BICRAL: variants seen among roughly 807,000 people sequenced by gnomAD.
BICRAL encodes BRD4-interacting chromatin-remodeling complex-associated protein-like.
A neutral mutation model predicts 91.8 loss-of-function variants in BICRAL; 8 were observed. The observed-to-expected ratio is 0.09, with a 90% confidence interval of 0.05 to 0.16. The LOEUF is 0.16. BICRAL is among the 10% of genes least tolerant of loss of function. The probability of loss-of-function intolerance (pLI) is 1.00; values close to 1 mark genes in which losing one functional copy is unlikely to be tolerated. For synonymous variants in BICRAL, 445 were observed against 491.1 expected (o/e 0.91, Z 1.24); for missense variants, 1,038 against 1,310.9 (o/e 0.79, Z 3.21).
chr6:42,822,297 G>T (rs1764160067), intron 3 of BICRAL, among the ~76,000 whole-genome samples: 1 of 151,030 alleles, frequency 6.6e-6, no homozygotes, highest in Non-Finnish European at 1.5e-5. Flanking sequence ...CTAAAGTGCA[G>T]CAGCACAATC....
chr6:42,822,216 A>C (rs1476180299), intron 3 of BICRAL, among the ~76,000 whole-genome samples, 153 bp downstream of exon 3: 1 of 151,986 alleles, frequency 6.6e-6, no homozygotes, highest in African/African-American at 2.4e-5. Context: ...CATGATTAAC[A>C]TAGGGGTTGT....
intron 1 of BICRAL, among the ~76,000 whole-genome samples, chr6:42,783,108 C>T (rs1327330517): frequency 6.6e-6 from 1 of 151,038 alleles, no homozygotes; most frequent in Non-Finnish European, 1.5e-5. Context: ...GGGGAGAGCT[C>T]GGGGCAGGCG....
intron 1 of BICRAL, among the ~76,000 whole-genome samples, chr6:42,755,555 T>G (rs1482372503): frequency 6.6e-6 from 1 of 152,132 alleles, no homozygotes; most frequent in African/African-American, 2.4e-5. Flanking sequence ...TTCTAACTTA[T>G]CTGTGAAGAC....
chr6:42,755,704 C>T (rs1465338499), intron 1 of BICRAL, among the ~76,000 whole-genome samples: 1 of 146,826 alleles, frequency 6.8e-6, no homozygotes, highest in Non-Finnish European at 1.5e-5. Context: ...GAGTCTTGCT[C>T]TGTTGCCCAG....
chr6:42,818,825 T>C (rs1022887240), intron 2 of BICRAL, among the ~76,000 whole-genome samples: 1 of 152,214 alleles, frequency 6.6e-6, no homozygotes, highest in Non-Finnish European at 1.5e-5. Flanking sequence ...TGAAACGTCA[T>C]TTTTACACTG....
intron 1 of BICRAL, among the ~76,000 whole-genome samples, chr6:42,782,785 G>T (rs1184758019): frequency 6.6e-6 from 1 of 151,936 alleles, no homozygotes; most frequent in Non-Finnish European, 1.5e-5. Context: ...CTCGGCGAGG[G>T]GAAGACGGCG....
At chr6:42,792,892 G>A (rs966349927) in intron 1 of BICRAL, among the ~76,000 whole-genome samples, 1 of 151,644 alleles carries the variant, frequency 6.6e-6, no homozygotes, top group Non-Finnish European at 1.5e-5. Context: ...CAGACTGGGC[G>A]ACGAGAGTGA....
At chr6:42,847,837 G>C (rs769926398) in intron 6 of BICRAL, among the ~76,000 whole-genome samples, 4 of 147,506 alleles carry the variant, frequency 2.7e-5, no homozygotes, top group Non-Finnish European at 6.0e-5. Context: ...GCAGAAAATT[G>C]CTTGAATCTT....
intron 2 of BICRAL, among the ~76,000 whole-genome samples, chr6:42,814,562 C>A (rs1763932471): frequency 7.6e-6 from 1 of 131,852 alleles, no homozygotes; most frequent in African/African-American, 2.9e-5. Context: ...TGGTCTGTTA[C>A]CCAGGTTGGA....
intron 1 of BICRAL, among the ~76,000 whole-genome samples, chr6:42,765,227 C>G (rs1056279286): frequency 2.0e-5 from 3 of 152,118 alleles, no homozygotes; most frequent in Admixed American, 6.6e-5. Context: ...TACAAAGTTG[C>G]ATTATTATTG....
In BICRAL at chr6:42,864,806, C is replaced by T; in HGVS notation, c.2600C>T (p.Thr867Ile). Reference protein sequence around the residue: ...AKAQGRDRAKTGVTEPMNHDQ... With the variant: ...AKAQGRDRAKIGVTEPMNHDQ... ...GCCCAAGGCAGAGACCGAGCCAAAA[C>T]CGGTGTGACGGAACCCATGAATCAT... The change falls in exon 13 of 13, where the codon ACC (threonine) becomes ATC (isoleucine). Residue 867 changes from threonine (T) to isoleucine (I), a missense_variant. Thr to Ile is a moderately conservative substitution (Grantham distance 89, BLOSUM62 -1). Transcript: ENST00000314073. 1.2e-6 allele frequency: 2 copies of T among 1,614,178 alleles called. No individual in the cohort carries two copies. The highest frequency in any genetic ancestry group is 1.1e-5 in the South Asian group (1 of 91,088).
At chr6:42,818,418 A>G (rs1397545511) in intron 2 of BICRAL, among the ~76,000 whole-genome samples, 1 of 152,078 alleles carries the variant, frequency 6.6e-6, no homozygotes, top group Non-Finnish European at 1.5e-5. Context: ...CTGATAAAAA[A>G]TTTTCCTTAT....
chr6:42,841,845 T>C (rs1764807130), intron 6 of BICRAL, among the ~76,000 whole-genome samples: 1 of 152,208 alleles, frequency 6.6e-6, no homozygotes, highest in Admixed American at 6.5e-5. Context: ...GTTCAGAGCT[T>C]GGACAAATTA....
chr6:42,856,998 A>G, intron 9 of BICRAL, 93 bp from the exon 10 acceptor site: 2 of 1,066,270 alleles, frequency 1.9e-6, no homozygotes, highest in East Asian at 2.4e-5. Flanking sequence ...TATTATTCCT[A>G]TATATCTTAT....
At chr6:42,760,825 C>A (rs1762532405) in intron 1 of BICRAL, among the ~76,000 whole-genome samples, 1 of 152,080 alleles carries the variant, frequency 6.6e-6, no homozygotes, top group Non-Finnish European at 1.5e-5. Flanking sequence ...AGTTGGAGAC[C>A]AGCCTAGCCA....
intron 6 of BICRAL, among the ~76,000 whole-genome samples, chr6:42,838,672 CT>C (rs1764705680): frequency 1.3e-5 from 2 of 152,112 alleles, no homozygotes; most frequent in East Asian, 1.9e-4. Flanking sequence ...GAAAGAAGAG[CT>C]TTTTTGGCCA....
chr6:42,851,140 G>A (rs542339214), intron 6 of BICRAL, among the ~76,000 whole-genome samples: 1 of 152,220 alleles, frequency 6.6e-6, no homozygotes, highest in East Asian at 1.9e-4. Flanking sequence ...AGTCGAGATC[G>A]TGCCACTGCA....
intron 1 of BICRAL, among the ~76,000 whole-genome samples, chr6:42,771,333 C>G (rs1322684737): frequency 6.6e-6 from 1 of 152,164 alleles, no homozygotes; most frequent in Non-Finnish European, 1.5e-5. Flanking sequence ...TGCGGCCCGG[C>G]TTCATTACGT....
At chr6:42,831,833 G>A (rs1413321680) in intron 6 of BICRAL, among the ~76,000 whole-genome samples, 2 of 151,218 alleles carry the variant, frequency 1.3e-5, no homozygotes, top group Non-Finnish European at 2.9e-5. Flanking sequence ...CCGCCTCCCA[G>A]CCTCAAGTGA....
Sources: gnomAD v4.1 joint callset for allele counts (sites outside exome capture counted in the v4.1 genomes callset) on GRCh38, gnomAD v4.1.1 for gene constraint, MANE v1.5 for transcripts, NCBI Gene and HGNC (gene_info 2026-07-23, HGNC 2026-07-21) for gene names.